The following LIMA1 variants were observed in gnomAD, a reference collection of about 807,000 sequenced individuals.
LIMA1 encodes LIM domain and actin-binding protein 1.
A neutral mutation model predicts 62.6 loss-of-function variants in LIMA1; 52 were observed. That is an observed-to-expected ratio of 0.83 (90% CI 0.67 to 1.05). The LOEUF is 1.05. Ranked by LOEUF, LIMA1 falls within the 50% of genes least tolerant of loss-of-function variation. LIMA1 has a pLI of 0.00. For synonymous variants in LIMA1, 302 were observed against 317.8 expected (o/e 0.95, Z 0.53); for missense variants, 780 against 902.2 (o/e 0.86, Z 1.74).
At chr12:50,195,680 T>C (rs1454488600) in intron 8 of LIMA1, 150 bp downstream of exon 8, 1 of 669,490 alleles carries the variant, frequency 1.5e-6, no homozygotes, top group Non-Finnish European at 2.4e-6. Context: ...CCATGAAGTG[T>C]GTAAAGGACA....
chr12:50,193,680 T>G (rs1482566645), intron 8 of LIMA1, among the ~76,000 whole-genome samples: 1 of 133,082 alleles, frequency 7.5e-6, no homozygotes, highest in Non-Finnish European at 1.6e-5. Context: ...TTTTTTTTTT[T>G]TTTTTTCAGA....
chr12:50,246,678 A>C (rs140712993), intron 2 of LIMA1, among the ~76,000 whole-genome samples: 1 of 152,158 alleles, frequency 6.6e-6, no homozygotes, highest in Non-Finnish European at 1.5e-5. Flanking sequence ...GAGGTCTTCC[A>C]TCTGGCCCTA....
At chr12:50,193,020 T>C (rs1228176068) in intron 8 of LIMA1, among the ~76,000 whole-genome samples, 2 of 151,086 alleles carry the variant, frequency 1.3e-5, no homozygotes, top group African/African-American at 2.5e-5. Context: ...GTGCGCGCAT[T>C]TGTGTATACA....
Position 50,222,391 on chromosome 12 carries a change from G to A in LIMA1, c.260C>T (p.Thr87Ile). Residue 87 changes from threonine to isoleucine, a missense_variant, in exon 4 of 11, where the codon ACA becomes ATA. Coordinates refer to ENST00000341247, the MANE Select transcript of LIMA1 (RefSeq NM_016357.5). ...ENPGLGAESH[T>I]DSLRNSSTEI... ...AGTGCTGCTGTTCCGTAGAGAGTCT[G>A]TGTGAGACTCTGCTCCCAGCCCTGG... 4 of 1,614,104 alleles carry A rather than the reference G, an allele frequency of 2.5e-6. No individual in the cohort carries two copies. Among genetic ancestry groups the A allele is most frequent in the Non-Finnish European group, 3.4e-6 (4 of 1,179,982 alleles).
At chr12:50,229,808 T>C (rs1323844345) in intron 3 of LIMA1, 2 of 152,326 alleles carry the variant, frequency 1.3e-5, no homozygotes, top group Non-Finnish European at 2.9e-5. Flanking sequence ...AATGACACCA[T>C]TTGACCTTTC....
rs1361666146 is a variant in LIMA1 at position 50,182,034 on chromosome 12, A to G, written c.1144T>C (p.Phe382Leu). The stretch of plus-strand genomic sequence containing the variant: ...CAGGTCTCTCTTGCAGGTGCCTGAA[A>G]CTTCTAGGAAAAACAAAAAGACAAC... ...ESSPPKAMKK[F>L]QAPARETCVE... is the part of the protein sequence containing the mutation. The change falls in exon 10 of 11, where the codon TTT becomes CTT. Residue 382 changes from phenylalanine (F) to leucine (L), a missense_variant. Coordinates refer to ENST00000341247, the MANE Select transcript of LIMA1 (RefSeq NM_016357.5). The G allele has an allele frequency of 6.2e-7, 1 of 1,612,462 alleles. No homozygotes were observed. Among genetic ancestry groups the G allele is most frequent in the East Asian group, 2.2e-5 (1 of 44,884 alleles).
rs753886119 is a variant in LIMA1 at position 50,222,223 on chromosome 12, G to C, written c.428C>G (p.Pro143Arg). Residue 143 changes from proline to arginine, a missense_variant, in exon 4 of 11, where the codon CCC becomes CGC. By Grantham distance (103) the Pro-to-Arg change is moderately radical. Transcript: ENST00000341247. ...AAGATCCTCACCGTCCTTGATGTGG[G>C]GATATCGACCCTGAACGAGGGCTTC... The part of the protein sequence containing the change: ...PPEALVQGRY[P>R]HIKDGEDLKD... The C allele has an allele frequency of 6.2e-7, 1 of 1,614,112 alleles. No individual in the cohort carries two copies. Among genetic ancestry groups the C allele is most frequent in the South Asian group, 1.1e-5 (1 of 91,078 alleles).
chr12:50,185,138 T>C (rs998273831), intron 9 of LIMA1, among the ~76,000 whole-genome samples: 3 of 152,318 alleles, frequency 2.0e-5, no homozygotes, highest in African/African-American at 7.2e-5. Flanking sequence ...CCCGGAATTC[T>C]GTATTTTTTA....
intron 2 of LIMA1, among the ~76,000 whole-genome samples, chr12:50,233,555 G>A (rs566768550): frequency 2.0e-5 from 3 of 152,190 alleles, no homozygotes; most frequent in Admixed American, 6.5e-5. Context: ...ACAGAGTTTC[G>A]CTCTTGTTGC....
chr12:50,227,913 G>T (rs1941556359), intron 3 of LIMA1, among the ~76,000 whole-genome samples: 2 of 150,096 alleles, frequency 1.3e-5, no homozygotes, highest in African/African-American at 4.9e-5. Flanking sequence ...AGTGTGGAGT[G>T]CAGTGGCGCG....
chr12:50,196,012 G>A (rs1402818480), intron 7 of LIMA1, 125 bp from the exon 8 acceptor site: 6 of 918,962 alleles, frequency 6.5e-6, no homozygotes, highest in African/African-American at 5.1e-5. Context: ...CTGCCTAGGG[G>A]AAATAACGGG....
At chr12:50,244,257 C>T (rs758620164) in intron 2 of LIMA1, among the ~76,000 whole-genome samples, 6 of 152,078 alleles carry the variant, frequency 3.9e-5, no homozygotes, top group Non-Finnish European at 7.4e-5. Context: ...GCATGGGCCA[C>T]GATGCCCAGC....
chr12:50,280,457 C>A (rs1306371813), intron 1 of LIMA1, among the ~76,000 whole-genome samples: 1 of 151,940 alleles, frequency 6.6e-6, no homozygotes, highest in Admixed American at 6.6e-5. Context: ...CGCGCCCGGC[C>A]CAGGGTAGTA....
chr12:50,181,093 C>A (rs951968408), intron 10 of LIMA1, among the ~76,000 whole-genome samples: 125 of 119,526 alleles, frequency 1.0e-3, no homozygotes, highest in Non-Finnish European at 2.1e-4. Flanking sequence ...CCCTGGGCAA[C>A]AGAGTGAGAC....
intron 9 of LIMA1, among the ~76,000 whole-genome samples, chr12:50,182,897 T>C (rs146051409): frequency 1.3e-5 from 2 of 152,290 alleles, no homozygotes; most frequent in African/African-American, 4.8e-5. Context: ...TTATAAGCTT[T>C]CACATGATAA....
intron 5 of LIMA1, among the ~76,000 whole-genome samples, 178 bp from the exon 6 acceptor site, chr12:50,204,878 A>G (rs976215299): frequency 6.6e-6 from 1 of 152,152 alleles, no homozygotes; most frequent in African/African-American, 2.4e-5. Context: ...AACCACCGTG[A>G]CTGGCCAACA....
intron 1 of LIMA1, among the ~76,000 whole-genome samples, chr12:50,258,169 T>C (rs1307797248): frequency 6.6e-6 from 1 of 152,188 alleles, no homozygotes. Flanking sequence ...TTTTCTTTTA[T>C]GGGAGAAGTT....
intron 7 of LIMA1, among the ~76,000 whole-genome samples, chr12:50,199,996 C>A (rs1283131474): frequency 1.3e-5 from 2 of 151,798 alleles, no homozygotes; most frequent in African/African-American, 4.8e-5. Flanking sequence ...TGGGTTCAAG[C>A]GATTCAACTG....
At chr12:50,242,688 A>G (rs1472744193) in intron 2 of LIMA1, among the ~76,000 whole-genome samples, 1 of 152,196 alleles carries the variant, frequency 6.6e-6, no homozygotes, top group Non-Finnish European at 1.5e-5. Context: ...TAGCCAGACC[A>G]GTGGTTTCAA....
Sources: allele counts gnomAD v4.1 joint callset (sites outside exome capture counted in the v4.1 genomes callset), GRCh38; gene constraint gnomAD v4.1.1; transcripts MANE v1.5; gene names NCBI Gene and HGNC (gene_info 2026-07-23, HGNC 2026-07-21).